The following HIPK3 variants were observed in gnomAD, a reference collection of about 807,000 sequenced individuals.
HIPK3 encodes homeodomain interacting protein kinase 3.
Under a neutral mutation model 124.2 loss-of-function variants are expected in HIPK3, and 47 were observed. The ratio of observed to expected loss-of-function variants is 0.38; its 90% CI spans 0.30 to 0.48. The LOEUF (loss-of-function observed/expected upper bound fraction) is 0.48, where lower values mean the gene tolerates loss of function less well. HIPK3 is among the 20% of genes least tolerant of loss of function. HIPK3 has a pLI of 0.98. For missense variants in HIPK3, 1,286 were observed against 1,454.3 expected, an observed-to-expected ratio of 0.88 and a Z score of 1.88; for synonymous variants, 482 against 515.2, an observed-to-expected ratio of 0.94 and a Z score of 0.87.
chr11:33,328,225 CAA>C (rs1852866480), intron 2 of HIPK3, among the ~76,000 whole-genome samples: 1 of 152,096 alleles, frequency 6.6e-6, no homozygotes, highest in African/African-American at 2.4e-5. Context: ...GTCTTAAAAA[CAA>C]GATGTATGTT....
At chr11:33,302,175 A>G (rs1404507984) in intron 2 of HIPK3, among the ~76,000 whole-genome samples, 1 of 152,110 alleles carries the variant, frequency 6.6e-6, no homozygotes, top group Non-Finnish European at 1.5e-5. Flanking sequence ...GTGTGCCTAG[A>G]CACTTGTAAC....
At chr11:33,258,796 G>T in intron 1 of HIPK3, 11 of 902,314 alleles carry the variant, frequency 1.2e-5, no homozygotes, top group Non-Finnish European at 1.5e-5. Context: ...CAGAGTAGTC[G>T]TAACACGTTC....
intron 1 of HIPK3, among the ~76,000 whole-genome samples, chr11:33,272,788 T>TCCCA (rs1851166941): frequency 2.2e-3 from 2 of 918 alleles, no homozygotes; most frequent in Non-Finnish European, 5.9e-3. Context: ...TCCCCCTCCC[T>TCCCA]CCCTCCTTCC....
At chr11:33,333,767 TTTC>T (rs1369001555) in intron 3 of HIPK3, among the ~76,000 whole-genome samples, 1 of 152,250 alleles carries the variant, frequency 6.6e-6, no homozygotes, top group Non-Finnish European at 1.5e-5. Context: ...AGCACTTTGT[TTTC>T]TTCTTCACAA....
intron 2 of HIPK3, among the ~76,000 whole-genome samples, chr11:33,326,923 C>A (rs999410117): frequency 2.0e-5 from 3 of 152,018 alleles, no homozygotes; most frequent in Non-Finnish European, 4.4e-5. Context: ...TCAAGCAATC[C>A]TACCATGTTG....
chr11:33,277,180 C>T (rs1386698529), intron 1 of HIPK3, among the ~76,000 whole-genome samples: 1 of 151,738 alleles, frequency 6.6e-6, no homozygotes, highest in Non-Finnish European at 1.5e-5. Context: ...AATTTGAGGT[C>T]CCTTCCTTCT....
chr11:33,343,281 G>A (rs796605726), intron 8 of HIPK3, among the ~76,000 whole-genome samples: 65 of 150,498 alleles, frequency 4.3e-4, no homozygotes, highest in African/African-American at 1.4e-3. Context: ...GTGTGTGTGT[G>A]TGTGTGTGTC....
chr11:33,332,818 A>G (rs575960800), intron 3 of HIPK3, among the ~76,000 whole-genome samples: 54 of 152,342 alleles, frequency 3.5e-4, no homozygotes, highest in African/African-American at 1.3e-3. Context: ...TGAGTAATTT[A>G]TAAAGAAAAG....
chr11:33,319,039 GACAA>G (rs1243160600), intron 2 of HIPK3, among the ~76,000 whole-genome samples: 1 of 152,192 alleles, frequency 6.6e-6, no homozygotes, highest in East Asian at 1.9e-4. Context: ...GTTGCTGTGT[GACAA>G]ACAATTCCAA....
At chr11:33,283,418 G>C (rs552248240) in intron 1 of HIPK3, among the ~76,000 whole-genome samples, 34 of 152,034 alleles carry the variant, frequency 2.2e-4, no homozygotes, top group African/African-American at 7.9e-4. Flanking sequence ...CGGAACTCCG[G>C]AATTTCAATT....
In HIPK3 at chr11:33,340,872, T is replaced by G. The variant is rs1853312072; in HGVS notation, c.1614-96T>G. Reference sequence around the variant, plus strand: ...GATTAAGTGCAAATTAGGATTTTTTTCTTTTAGGAATAATTTTTTTATTTT... The same window carrying G: ...GATTAAGTGCAAATTAGGATTTTTTGCTTTTAGGAATAATTTTTTTATTTT... On this transcript the variant is annotated intron_variant, in intron 6 of 16. Coordinates refer to ENST00000303296, the MANE Select transcript of HIPK3 (RefSeq NM_005734.5). 4.4e-6 allele frequency: 3 copies of G among 674,564 alleles called. No homozygotes were observed. The South Asian group carries it at 9.3e-5, about 21-fold the overall frequency. The allele number at this position is 674,564 out of a possible 1,614,324, so 41.8% of individuals were successfully genotyped here. A position where few individuals can be genotyped will look rare whatever the true frequency, so the allele number is the denominator to read the frequency against.
At chr11:33,345,965 A>G (rs903285016) in intron 8 of HIPK3, among the ~76,000 whole-genome samples, 1 of 152,212 alleles carries the variant, frequency 6.6e-6, no homozygotes, top group Non-Finnish European at 1.5e-5. Context: ...CTGAAGAGAA[A>G]CACTCAACAT....
chr11:33,329,769 A>C (rs1026351571), intron 3 of HIPK3, among the ~76,000 whole-genome samples: 2 of 152,210 alleles, frequency 1.3e-5, no homozygotes, highest in African/African-American at 4.8e-5. Context: ...TTTGATACAG[A>C]TGCAAGACTA....
chr11:33,279,243 A>C (rs1404662459), intron 1 of HIPK3, among the ~76,000 whole-genome samples: 1 of 127,636 alleles, frequency 7.8e-6, no homozygotes, highest in Non-Finnish European at 1.6e-5. Context: ...GAACCTGGGA[A>C]GGCGGAGGTT....
chr11:33,356,648 G>A lies in HIPK3; in HGVS notation c.*3080G>A, dbSNP rs184628276. On this transcript the variant is annotated 3_prime_UTR_variant, in exon 17 of 17. Coordinates refer to ENST00000303296, the MANE Select transcript of HIPK3 (RefSeq NM_005734.5). ...TACACTGCAAGGTGTAGGAAGATTT[G>A]TTTTAATGAATCCAATGATACAGAT... is the stretch of plus-strand genomic sequence containing the variant. 1.2e-4 allele frequency: 19 copies of A among 152,174 alleles called. No homozygotes were observed. The highest frequency in any genetic ancestry group is 2.4e-4 in the Non-Finnish European group (16 of 67,928). The allele number at this position is 152,174 out of a possible 1,614,324, so 9.4% of individuals were successfully genotyped here.
At chr11:33,283,168 T>C (rs930365557) in intron 1 of HIPK3, among the ~76,000 whole-genome samples, 8 of 151,832 alleles carry the variant, frequency 5.3e-5, no homozygotes, top group Non-Finnish European at 1.0e-4. Context: ...AGGAGTGCAG[T>C]GGCGCGATCT....
At chr11:33,310,286 T>TATCTATCTATCTATCTATCC in intron 2 of HIPK3, among the ~76,000 whole-genome samples, 1 of 150,628 alleles carries the variant, frequency 6.6e-6, no homozygotes, top group East Asian at 1.9e-4. Flanking sequence ...CTATCTTATC[T>TATCTATCTATCTATCTATCC]ATCTATCTAT....
At chr11:33,335,370 T>C (rs1159614450) in intron 3 of HIPK3, among the ~76,000 whole-genome samples, 1 of 152,128 alleles carries the variant, frequency 6.6e-6, no homozygotes, top group Admixed American at 6.6e-5. Flanking sequence ...TGTCAGGAAG[T>C]AGAAGAGACC....
At chr11:33,274,777 T>A (rs1173393557) in intron 1 of HIPK3, among the ~76,000 whole-genome samples, 1 of 152,192 alleles carries the variant, frequency 6.6e-6, no homozygotes, top group Non-Finnish European at 1.5e-5. Context: ...GCAGGGTGAT[T>A]TCTAGCAGCT....
Sources: allele counts gnomAD v4.1 joint callset (sites outside exome capture counted in the v4.1 genomes callset), GRCh38; gene constraint gnomAD v4.1.1; transcripts MANE v1.5; gene names NCBI Gene and HGNC (gene_info 2026-07-23, HGNC 2026-07-21).